NAV2: variants seen among roughly 807,000 people sequenced by gnomAD.
The protein encoded by NAV2 is helicase, APC down-regulated 1.
A neutral mutation model predicts 223.2 loss-of-function variants in NAV2; 54 were observed. The ratio of observed to expected loss-of-function variants is 0.24; its 90% confidence interval spans 0.19 to 0.30. The LOEUF (loss-of-function observed/expected upper bound fraction) is 0.30, where lower values mean the gene tolerates loss of function less well. Ranked by LOEUF, NAV2 falls within the 10% of genes least tolerant of loss-of-function variation. The pLI, the probability that NAV2 is intolerant of heterozygous loss-of-function variation, is 1.00. For synonymous variants in NAV2, 1,279 were observed against 1,239.3 expected (o/e 1.03, Z -0.67); for missense variants, 2,806 against 3,147.5 (o/e 0.89, Z 2.60).
intron 1 of NAV2, among the ~76,000 whole-genome samples, chr11:19,659,333 G>A (rs1483612888): frequency 6.6e-6 from 1 of 152,164 alleles, no homozygotes; most frequent in Non-Finnish European, 1.5e-5. Flanking sequence ...AGTGTGTGGT[G>A]GGCAAGAAGC....
chr11:19,632,617 G>T (rs1345375178), intron 1 of NAV2, among the ~76,000 whole-genome samples: 1 of 152,180 alleles, frequency 6.6e-6, no homozygotes, highest in African/African-American at 2.4e-5. Flanking sequence ...ATTCCTTGGA[G>T]CAAACTCAGC....
At chr11:19,993,679 A>G (rs1341400057) in intron 11 of NAV2, among the ~76,000 whole-genome samples, 1 of 152,200 alleles carries the variant, frequency 6.6e-6, no homozygotes, top group Non-Finnish European at 1.5e-5. Context: ...CAGTCTGATC[A>G]CATGGCCTCT....
chr11:19,609,529 A>G (rs2046574646), intron 1 of NAV2, among the ~76,000 whole-genome samples: 1 of 152,186 alleles, frequency 6.6e-6, no homozygotes, highest in Non-Finnish European at 1.5e-5. Flanking sequence ...GCAAAGGTCT[A>G]AAGGCAAGAT....
chr11:19,578,545 G>A (rs1352356509), intron 1 of NAV2, among the ~76,000 whole-genome samples: 2 of 152,166 alleles, frequency 1.3e-5, no homozygotes, highest in South Asian at 2.1e-4. Context: ...GCCCTGCTCT[G>A]TGGTGACATT....
intron 1 of NAV2, chr11:19,380,653 C>G (rs1848807103): frequency 6.6e-6 from 1 of 152,180 alleles, no homozygotes; most frequent in Non-Finnish European, 1.5e-5. Context: ...GGAAGGTACA[C>G]CCTCTGTCTG....
At chr11:20,048,192 G>A (rs1282430104) in intron 14 of NAV2, among the ~76,000 whole-genome samples, 1 of 152,122 alleles carries the variant, frequency 6.6e-6, no homozygotes, top group Non-Finnish European at 1.5e-5. Flanking sequence ...TTTCTATTGT[G>A]GATAAATCTC....
intron 8 of NAV2, among the ~76,000 whole-genome samples, chr11:19,941,908 A>G (rs934712004): frequency 6.6e-6 from 1 of 152,316 alleles, no homozygotes; most frequent in Non-Finnish European, 1.5e-5. Context: ...TTCATGTTGT[A>G]ACATATCCCT....
At chr11:19,506,269 G>A (rs2043121097) in intron 1 of NAV2, 2 of 152,268 alleles carry the variant, frequency 1.3e-5, no homozygotes, top group South Asian at 4.1e-4. Flanking sequence ...GAAACTATAG[G>A]CATGGGGCTA....
At chr11:19,369,967 A>G (rs962205497) in intron 1 of NAV2, among the ~76,000 whole-genome samples, 1 of 152,210 alleles carries the variant, frequency 6.6e-6, no homozygotes, top group African/African-American at 2.4e-5. Context: ...CCTTGGAGCT[A>G]AGAAGTTTTC....
intron 1 of NAV2, among the ~76,000 whole-genome samples, chr11:19,613,300 G>T (rs1308852442): frequency 2.0e-5 from 3 of 152,168 alleles, no homozygotes; most frequent in Non-Finnish European, 4.4e-5. Context: ...TGTTTGAGCT[G>T]AGGATATGGA....
chr11:19,626,088 C>T (rs1476217417), intron 1 of NAV2, among the ~76,000 whole-genome samples: 2 of 152,098 alleles, frequency 1.3e-5, no homozygotes, highest in Non-Finnish European at 2.9e-5. Context: ...CTTTTGAGGT[C>T]TTATTCATAA....
At chr11:19,781,104 C>T (rs1408934125) in intron 1 of NAV2, among the ~76,000 whole-genome samples, 2 of 152,170 alleles carry the variant, frequency 1.3e-5, no homozygotes, top group Non-Finnish European at 2.9e-5. Context: ...ATTATTATCT[C>T]CATTATTCAG....
intron 11 of NAV2, among the ~76,000 whole-genome samples, chr11:20,009,729 C>G (rs2053409174): frequency 6.6e-6 from 1 of 152,086 alleles, no homozygotes; most frequent in African/African-American, 2.4e-5. Context: ...TCCTTCTCCT[C>G]TCTTCAACCA....
chr11:20,061,037 G>C (rs1460748155), intron 19 of NAV2, among the ~76,000 whole-genome samples: 2 of 152,180 alleles, frequency 1.3e-5, no homozygotes, highest in Non-Finnish European at 2.9e-5. Flanking sequence ...AGTTACCCCA[G>C]TGCCTCCCAC....
chr11:19,607,021 G>A (rs951275879), intron 1 of NAV2, among the ~76,000 whole-genome samples: 20 of 152,350 alleles, frequency 1.3e-4, no homozygotes, highest in African/African-American at 3.8e-4. Flanking sequence ...GTATGGGCCA[G>A]CTCCCAGGCC....
At chr11:19,634,829 T>A (rs1163410799) in intron 1 of NAV2, among the ~76,000 whole-genome samples, 1 of 152,158 alleles carries the variant, frequency 6.6e-6, no homozygotes, top group East Asian at 1.9e-4. Context: ...CTTCCCAGAA[T>A]AAGTGATGCC....
chr11:19,396,773 T>G (rs1027936025), intron 1 of NAV2, among the ~76,000 whole-genome samples: 2 of 152,228 alleles, frequency 1.3e-5, no homozygotes, highest in African/African-American at 4.8e-5. Context: ...CAGTGGATAC[T>G]GTGGAATTTG....
intron 19 of NAV2, among the ~76,000 whole-genome samples, chr11:20,059,138 T>C (rs941510228): frequency 6.6e-6 from 1 of 152,176 alleles, no homozygotes; most frequent in African/African-American, 2.4e-5. Flanking sequence ...TTCTCTGTTT[T>C]GTGATGCTTC....
At chr11:19,629,141 G>A (rs1441354761) in intron 1 of NAV2, among the ~76,000 whole-genome samples, 1 of 152,038 alleles carries the variant, frequency 6.6e-6, no homozygotes, top group Non-Finnish European at 1.5e-5. Flanking sequence ...CTGCCTCAGT[G>A]TCTCCATCCT....
Sources: gnomAD v4.1 joint callset for allele counts (sites outside exome capture counted in the v4.1 genomes callset) on GRCh38, gnomAD v4.1.1 for gene constraint, MANE v1.5 for transcripts, NCBI Gene and HGNC (gene_info 2026-07-23, HGNC 2026-07-21) for gene names.